CCNY: variants seen among roughly 807,000 people sequenced by gnomAD.
CCNY encodes cyclin-Y.
Under a neutral mutation model 42.8 loss-of-function variants are expected in CCNY, and 19 were observed. That is an observed-to-expected ratio of 0.44 (90% CI 0.31 to 0.65). The LOEUF is 0.65. CCNY is among the 30% of genes least tolerant of loss of function. The pLI is 0.07. For synonymous variants in CCNY, 165 were observed against 162.7 expected (o/e 1.01, Z -0.11); for missense variants, 370 against 437.3 (o/e 0.85, Z 1.37).
chr10:35,363,435 G>A (rs1415417439), intron 1 of CCNY, among the ~76,000 whole-genome samples: 1 of 151,742 alleles, frequency 6.6e-6, no homozygotes, highest in East Asian at 1.9e-4. Flanking sequence ...TGGGGCTGCC[G>A]GGCAGAGGTG....
intron 1 of CCNY, among the ~76,000 whole-genome samples, chr10:35,392,314 C>T (rs910406917): frequency 1.3e-5 from 2 of 152,136 alleles, no homozygotes; most frequent in Non-Finnish European, 2.9e-5. Flanking sequence ...AAGTTGAGAA[C>T]ATAAAGACCA....
At chr10:35,368,435 CT>C (rs1478239416) in intron 1 of CCNY, among the ~76,000 whole-genome samples, 2 of 152,176 alleles carry the variant, frequency 1.3e-5, no homozygotes, top group Admixed American at 1.3e-4. Flanking sequence ...TAAAATTAAA[CT>C]TTTTTGCCAT....
At chr10:35,553,321 A>G in intron 8 of CCNY, 136 bp downstream of exon 8, 2 of 788,914 alleles carry the variant, frequency 2.5e-6, no homozygotes, top group Admixed American at 6.0e-5. Flanking sequence ...GAGCTGTTAC[A>G]ACAGGGGCAT....
rs34429228 is a variant in CCNY at position 35,419,533 on chromosome 10, C to CTTTTTTTTTTTTTTTT, written c.155-63856_155-63855insTTTTTTTTTTTTTTTT. Among the ~76,000 whole-genome samples, 25 of 129,680 alleles carry CTTTTTTTTTTTTTTTT rather than the reference C, an allele frequency of 1.9e-4. 1 individual carries two copies. Among genetic ancestry groups the CTTTTTTTTTTTTTTTT allele is most frequent in the Non-Finnish European group, 3.1e-4 (19 of 61,738 alleles). The allele number at this position is 129,680 out of a possible 152,430, so 85.1% of individuals were successfully genotyped here. ...AGGACTGGGTTGCATTAGACCGTTC[C>CTTTTTTTTTTTTTTTT]TTTTTTTTTTTTTTTAGCAATCTGG... On this transcript the variant is annotated intron_variant, in intron 1 of 9. Transcript: ENST00000374704.
At chr10:35,513,991 G>A (rs1840373887) in intron 3 of CCNY, among the ~76,000 whole-genome samples, 1 of 150,656 alleles carries the variant, frequency 6.6e-6, no homozygotes, top group African/African-American at 2.4e-5. Flanking sequence ...TGCTTCCAGA[G>A]GCCGAGCATC....
intron 8 of CCNY, among the ~76,000 whole-genome samples, chr10:35,563,991 C>T (rs1401448297): frequency 6.6e-6 from 1 of 152,038 alleles, no homozygotes; most frequent in Non-Finnish European, 1.5e-5. Context: ...ATTCCCCTGC[C>T]TCAGCCTCCT....
intron 1 of CCNY, among the ~76,000 whole-genome samples, chr10:35,357,173 C>T: frequency 7.7e-6 from 1 of 130,626 alleles, no homozygotes; most frequent in East Asian, 2.2e-4. Flanking sequence ...AGCCCCTGCT[C>T]CTGCCCCTGC....
chr10:35,328,917 T>C (rs1336587528), intron 3 of CCNY, among the ~76,000 whole-genome samples: 1 of 152,222 alleles, frequency 6.6e-6, no homozygotes, highest in African/African-American at 2.4e-5. Flanking sequence ...AGTTCTGTTT[T>C]CCACTTCAGA....
intron 3 of CCNY, among the ~76,000 whole-genome samples, chr10:35,260,948 A>C (rs1239366442): frequency 6.6e-6 from 1 of 152,136 alleles, no homozygotes; most frequent in African/African-American, 2.4e-5. Flanking sequence ...CCGTCTCTAC[A>C]AAAAATAAAA....
chr10:35,563,743 G>A (rs1841510942), intron 8 of CCNY, among the ~76,000 whole-genome samples: 1 of 152,042 alleles, frequency 6.6e-6, no homozygotes, highest in South Asian at 2.1e-4. Flanking sequence ...TTTCGCTCTC[G>A]TTGCCCAGGC....
intron 1 of CCNY, among the ~76,000 whole-genome samples, chr10:35,388,755 C>G (rs1184646175): frequency 1.3e-5 from 2 of 152,202 alleles, no homozygotes; most frequent in Non-Finnish European, 2.9e-5. Context: ...GTTTAGAAGT[C>G]TGACCTGGGT....
chr10:35,390,913 G>A (rs1028165492), intron 1 of CCNY, among the ~76,000 whole-genome samples: 8 of 152,132 alleles, frequency 5.3e-5, no homozygotes, highest in Admixed American at 6.5e-5. Context: ...GCTGAGTTGG[G>A]GCCTGAGGCC....
chr10:35,521,550 A>G (rs1037954445), intron 4 of CCNY, among the ~76,000 whole-genome samples: 1 of 152,196 alleles, frequency 6.6e-6, no homozygotes, highest in Admixed American at 6.5e-5. Context: ...TGAGGCAGAA[A>G]AAATTAGCAG....
chr10:35,512,557 T>A lies in CCNY; in HGVS notation c.265-3966T>A, dbSNP rs185417739. Among the ~76,000 whole-genome samples the A allele has an allele frequency of 1.2e-3, 188 of 152,346 alleles. 1 individual carries two copies. Among genetic ancestry groups the A allele is most frequent in the African/African-American group, 4.5e-3 (186 of 41,584 alleles). Reference sequence around the variant, plus strand: ...GTAGGAGGACTGCAGAGGACCCATCTGCATAGCGGACTTAGAGTTTTTTGT... The same window carrying A: ...GTAGGAGGACTGCAGAGGACCCATCAGCATAGCGGACTTAGAGTTTTTTGT... On this transcript the variant is annotated intron_variant, in intron 3 of 9. Transcript: ENST00000374704.
chr10:35,397,366 A>T (rs570919090), intron 1 of CCNY, among the ~76,000 whole-genome samples: 3 of 152,270 alleles, frequency 2.0e-5, no homozygotes, highest in African/African-American at 7.2e-5. Flanking sequence ...ATTCAGCAGC[A>T]AATATTGTAC....
chr10:35,311,373 T>C (rs1038766087), intron 3 of CCNY, among the ~76,000 whole-genome samples: 1 of 151,748 alleles, frequency 6.6e-6, no homozygotes, highest in African/African-American at 2.4e-5. Flanking sequence ...CAAATGTTCT[T>C]GATAATTAAA....
chr10:35,276,026 CAGA>C (rs1170735753), intron 3 of CCNY, among the ~76,000 whole-genome samples: 2 of 152,222 alleles, frequency 1.3e-5, no homozygotes, highest in African/African-American at 4.8e-5. Context: ...TAGTTCTTTG[CAGA>C]AGGACTGGGG....
intron 1 of CCNY, among the ~76,000 whole-genome samples, chr10:35,405,128 A>G (rs1295964782): frequency 6.6e-6 from 1 of 152,202 alleles, no homozygotes; most frequent in Non-Finnish European, 1.5e-5. Flanking sequence ...AACCTGTAAA[A>G]GCCTTGTCTG....
chr10:35,295,382 C>CCA (rs1369588911), intron 3 of CCNY, among the ~76,000 whole-genome samples: 1 of 151,868 alleles, frequency 6.6e-6, no homozygotes, highest in Non-Finnish European at 1.5e-5. Flanking sequence ...CAGGCATGTG[C>CCA]CACCACGCCT....
Sources: gnomAD v4.1 joint callset for allele counts (sites outside exome capture counted in the v4.1 genomes callset) on GRCh38, gnomAD v4.1.1 for gene constraint, MANE v1.5 for transcripts, NCBI Gene and HGNC (gene_info 2026-07-23, HGNC 2026-07-21) for gene names.